The following ARB2A variants were observed in gnomAD, a reference collection of about 807,000 sequenced individuals.
ARB2A encodes the protein cotranscriptional regulator ARB2A.
At chr5:93,989,679 C>T in the ARB2A span, among the ~76,000 whole-genome samples, 2 of 152,138 alleles carry the variant, frequency 1.3e-5, no homozygotes, top group East Asian at 3.8e-4. Context: ...TTCCTGACTA[C>T]ATAAATGTAT....
chr5:93,767,693 C>T, the ARB2A span, among the ~76,000 whole-genome samples: 1 of 151,984 alleles, frequency 6.6e-6, no homozygotes, highest in Middle Eastern at 3.4e-3. Context: ...TACTACTCAG[C>T]CATAAAAAGG....
chr5:94,037,465 A>C, the ARB2A span, among the ~76,000 whole-genome samples: 12 of 152,156 alleles, frequency 7.9e-5, no homozygotes, highest in Non-Finnish European at 1.3e-4. Flanking sequence ...AATAAATTAA[A>C]AATCTTCTTA....
the ARB2A span, among the ~76,000 whole-genome samples, chr5:93,632,735 C>T: frequency 2.0e-5 from 3 of 151,976 alleles, no homozygotes; most frequent in African/African-American, 7.3e-5. Context: ...GCTCAGAGTA[C>T]AAAAATTCAG....
At chr5:94,012,855 C>T in the ARB2A span, among the ~76,000 whole-genome samples, 4 of 152,158 alleles carry the variant, frequency 2.6e-5, no homozygotes, top group African/African-American at 9.7e-5. Context: ...GAGCATCAAG[C>T]GCAAATCTGT....
the ARB2A span, among the ~76,000 whole-genome samples, chr5:93,943,720 C>T: frequency 2.6e-5 from 4 of 152,124 alleles, no homozygotes; most frequent in South Asian, 4.1e-4. Flanking sequence ...TAGTTAAGAA[C>T]GTGTTAACTA....
the ARB2A span, among the ~76,000 whole-genome samples, chr5:93,690,814 A>G: frequency 6.6e-6 from 1 of 152,056 alleles, no homozygotes; most frequent in African/African-American, 2.4e-5. Flanking sequence ...TCCGGCTGGC[A>G]TATGGTGGGA....
chr5:94,082,889 C>G, the ARB2A span, among the ~76,000 whole-genome samples: 1 of 152,132 alleles, frequency 6.6e-6, no homozygotes, highest in Non-Finnish European at 1.5e-5. Flanking sequence ...AAATTTGAAA[C>G]TTCAAGTCAC....
the ARB2A span, among the ~76,000 whole-genome samples, chr5:93,834,577 A>G: frequency 6.6e-6 from 1 of 152,180 alleles, no homozygotes; most frequent in African/African-American, 2.4e-5. Context: ...TCATTTTTGG[A>G]TTTAACAAAT....
chr5:93,888,340 T>C, the ARB2A span, among the ~76,000 whole-genome samples: 2 of 151,818 alleles, frequency 1.3e-5, no homozygotes, highest in African/African-American at 4.8e-5. Context: ...CGTTTATACA[T>C]TAAACTAAAA....
the ARB2A span, among the ~76,000 whole-genome samples, chr5:94,065,277 G>T: frequency 6.6e-6 from 1 of 152,196 alleles, no homozygotes; most frequent in Non-Finnish European, 1.5e-5. Flanking sequence ...ACTTTGGGGG[G>T]CTGAGGCAGG....
chr5:93,789,544 C>G, the ARB2A span, among the ~76,000 whole-genome samples: 378 of 152,282 alleles, frequency 2.5e-3, 1 homozygote, highest in African/African-American at 8.7e-3. Flanking sequence ...GCTTCTACTT[C>G]AGTGCAGTTT....
At chr5:93,970,401 T>C in the ARB2A span, among the ~76,000 whole-genome samples, 1 of 152,156 alleles carries the variant, frequency 6.6e-6, no homozygotes, top group South Asian at 2.1e-4. Context: ...ACAGACTAAG[T>C]ATCTGAATTA....
chr5:93,724,711 T>C, the ARB2A span, among the ~76,000 whole-genome samples: 2 of 152,020 alleles, frequency 1.3e-5, no homozygotes, highest in African/African-American at 2.4e-5. Flanking sequence ...AAATCATGGA[T>C]AGTACCAAAC....
chr5:94,098,311 A>G, the ARB2A span, among the ~76,000 whole-genome samples: 1 of 152,240 alleles, frequency 6.6e-6, no homozygotes, highest in Non-Finnish European at 1.5e-5. Context: ...CAATAAAAAT[A>G]TAAGTCAACA....
chr5:93,635,571 C>G, the ARB2A span, among the ~76,000 whole-genome samples: 1 of 151,222 alleles, frequency 6.6e-6, no homozygotes, highest in African/African-American at 2.4e-5. Context: ...TCCCAAGAAG[C>G]TGGGAGTACG....
chr5:94,001,800 C>T, the ARB2A span, among the ~76,000 whole-genome samples: 1 of 152,036 alleles, frequency 6.6e-6, no homozygotes, highest in Admixed American at 6.6e-5. Flanking sequence ...ATCCCTGCCA[C>T]ATCTCGGTCT....
chr5:93,883,271 G>A, the ARB2A span, among the ~76,000 whole-genome samples: 2 of 151,448 alleles, frequency 1.3e-5, no homozygotes, highest in South Asian at 2.1e-4. Flanking sequence ...ATAATATATA[G>A]CAAACTGATT....
the ARB2A span, among the ~76,000 whole-genome samples, chr5:94,042,431 G>A: frequency 1.0e-3 from 151 of 144,386 alleles, no homozygotes; most frequent in African/African-American, 3.5e-3. Context: ...TCAGCCTCCC[G>A]AGTAGCTGGG....
At chr5:93,620,713 C>G in the ARB2A span, 1 of 323,672 alleles carries the variant, frequency 3.1e-6, no homozygotes, top group Admixed American at 5.0e-5. Flanking sequence ...GCCGGCCGAG[C>G]CAGGCAGGGC....
Sources: allele counts gnomAD v4.1 joint callset (sites outside exome capture counted in the v4.1 genomes callset), GRCh38; gene constraint gnomAD v4.1.1; transcripts MANE v1.5; gene names NCBI Gene and HGNC (gene_info 2026-07-23, HGNC 2026-07-21).